OSBPL3: variants seen among roughly 807,000 people sequenced by gnomAD.
The protein encoded by OSBPL3 is oxysterol-binding protein-related protein 3.
A neutral mutation model predicts 120.1 loss-of-function variants in OSBPL3; 65 were observed. The ratio of observed to expected loss-of-function variants is 0.54; its 90% CI spans 0.44 to 0.67. The LOEUF is 0.67. Among genes scored for constraint, OSBPL3 ranks in the 30% least tolerant of loss-of-function variants. OSBPL3 has a pLI of 0.00. For synonymous variants in OSBPL3, 416 were observed against 402.6 expected (o/e 1.03, Z -0.40); for missense variants, 1,004 against 1,082.1 (o/e 0.93, Z 1.01).
At chr7:24,845,384 TAAAAAAA>T (rs34559902) in intron 12 of OSBPL3, among the ~76,000 whole-genome samples, 38 of 62,260 alleles carry the variant, frequency 6.1e-4, no homozygotes, top group African/African-American at 2.1e-3. Flanking sequence ...GCAAAATAAG[TAAAAAAA>T]AAAAAAAAAA....
intron 1 of OSBPL3, among the ~76,000 whole-genome samples, chr7:24,941,959 C>T (rs1813154330): frequency 6.6e-6 from 1 of 152,176 alleles, no homozygotes. Context: ...CCAGTATCCA[C>T]ACTTCAGTGT....
intron 15 of OSBPL3, among the ~76,000 whole-genome samples, chr7:24,832,933 G>C (rs1219159715): frequency 1.3e-5 from 2 of 152,130 alleles, no homozygotes; most frequent in East Asian, 3.8e-4. Flanking sequence ...TCTGCTCAAG[G>C]TCAATTACAC....
Position 24,955,114 on chromosome 7 carries a change from T to G in OSBPL3, c.-150+24772A>C, listed in dbSNP as rs926521428. Among the ~76,000 whole-genome samples, 3 of 152,232 alleles carry G rather than the reference T, an allele frequency of 2.0e-5. No homozygotes were observed. Among genetic ancestry groups the G allele is most frequent in the Non-Finnish European group, 4.4e-5 (3 of 68,046 alleles). On this transcript the variant is annotated intron_variant, in intron 1 of 22. Transcript: ENST00000313367. The surrounding 1 kb of genome is among the most constrained non-coding windows in gnomAD (Gnocchi z 4.3). Reference sequence around the variant, plus strand: ...AGTTTCATGAAAGCAGGGATTTTCTTTTGTTCACTACTATACATATTACCA... The same window carrying G: ...AGTTTCATGAAAGCAGGGATTTTCTGTTGTTCACTACTATACATATTACCA...
chr7:24,820,148 TG>T lies in OSBPL3; in HGVS notation c.1948+26del. ...ATAGATAACATATTACACAATATGATGGAAGTAAAATGTATTAGCACATTAC... is the reference window on the plus strand; with the variant it reads ...ATAGATAACATATTACACAATATGATGAAGTAAAATGTATTAGCACATTAC... On this transcript the variant is annotated intron_variant, in intron 17 of 22. Coordinates refer to ENST00000313367, the MANE Select transcript of OSBPL3 (RefSeq NM_015550.4). This position sits in a 1 kb window ranked among gnomAD's most constrained non-coding sequence, Gnocchi z 4.6. 6.9e-7 allele frequency: 1 copy of T among 1,450,394 alleles called. No individual in the cohort carries two copies. Among genetic ancestry groups the T allele is most frequent in the Non-Finnish European group, 9.7e-7 (1 of 1,033,702 alleles). The allele number at this position is 1,450,394 out of a possible 1,614,324, so 89.8% of individuals were successfully genotyped here. A position where few individuals can be genotyped will look rare whatever the true frequency, so the allele number is the denominator to read the frequency against.
chr7:24,864,489 C>A (rs1053139137), intron 7 of OSBPL3, among the ~76,000 whole-genome samples: 2 of 152,178 alleles, frequency 1.3e-5, no homozygotes, highest in African/African-American at 4.8e-5. Flanking sequence ...CAAGCTGTCA[C>A]TTGGTAAAGT....
rs959239799 is a variant in OSBPL3, at chr7:24,833,177, T to C, written c.1746+1309A>G. ...GAGTTTAAAAAATACAGCTTGTTTT[T>C]GTCTCCTACCCTGATTATCAGTAAC... On this transcript the variant is annotated intron_variant, in intron 15 of 22. Coordinates refer to ENST00000313367, the MANE Select transcript of OSBPL3 (RefSeq NM_015550.4). This position sits in a 1 kb window ranked among gnomAD's most constrained non-coding sequence, Gnocchi z 4.4. Among the ~76,000 whole-genome samples the C allele has an allele frequency of 1.3e-5, 2 of 152,224 alleles. No homozygotes were observed. Among genetic ancestry groups the C allele is most frequent in the Admixed American group, 1.3e-4 (2 of 15,282 alleles).
chr7:24,842,409 T>C lies in OSBPL3; in HGVS notation c.1271A>G (p.Asn424Ser). 6.3e-7 allele frequency: 1 copy of C among 1,591,662 alleles called. No homozygotes were observed. Among genetic ancestry groups the C allele is most frequent in the Non-Finnish European group, 8.5e-7 (1 of 1,173,784 alleles). The stretch of plus-strand genomic sequence containing the variant: ...TAGAGCTCGGTTTTCATCTCTGGAG[T>C]TTTCCTATTTGAAGAACAAAACCAA... ...AKSGDNLAEE[N>S]SRDENRALVH... Residue 424 changes from asparagine (N) to serine (S), a missense_variant, in exon 13 of 23, where the codon AAC becomes AGC. Around this residue, in one of 4 missense-constraint regions of OSBPL3, gnomAD observed 272 missense variants for 248.8 expected, o/e 1.09. Transcript: ENST00000313367.
chr7:24,842,151 C>G (rs1482277512), intron 13 of OSBPL3, 128 bp downstream of exon 13: 1 of 943,864 alleles, frequency 1.1e-6, no homozygotes, highest in African/African-American at 1.7e-5. Flanking sequence ...GGAGAACTCT[C>G]AGAACATAAT....
At position 24,916,491 on chromosome 7, in the gene OSBPL3, CA is replaced by C. The variant is rs1039635809; in HGVS notation, c.-149-23871del. The stretch of plus-strand genomic sequence containing the variant: ...CATCAGTGAAGTAAAAATAAAACAG[CA>C]ATTACCTTTCTGGCTTGCATGGTTC... On this transcript the variant is annotated intron_variant, in intron 1 of 22. Coordinates refer to ENST00000313367, the MANE Select transcript of OSBPL3 (RefSeq NM_015550.4). The surrounding 1 kb of genome is among the most constrained non-coding windows in gnomAD (Gnocchi z 4.9). Among the ~76,000 whole-genome samples the C allele has an allele frequency of 1.3e-5, 2 of 151,980 alleles. No homozygotes were observed. The highest frequency in any genetic ancestry group is 4.8e-5 in the African/African-American group (2 of 41,352).
rs1584768702 is a variant in OSBPL3 at position 24,972,364 on chromosome 7, C to T, written c.-150+7522G>A. Among the ~76,000 whole-genome samples, 1 of 152,320 alleles carries T rather than the reference C, an allele frequency of 6.6e-6. No individual in the cohort carries two copies. Among genetic ancestry groups the T allele is most frequent in the East Asian group, 1.9e-4 (1 of 5,188 alleles). On this transcript the variant is annotated intron_variant, in intron 1 of 22. Coordinates refer to ENST00000313367, the MANE Select transcript of OSBPL3 (RefSeq NM_015550.4). The surrounding 1 kb of genome is among the most constrained non-coding windows in gnomAD (Gnocchi z 4.3). ...CCCCAGCCACATTCTCTTTTCTCTT[C>T]CTTCAGCAACCTGAATCACAACCTA...
intron 12 of OSBPL3, among the ~76,000 whole-genome samples, chr7:24,842,877 GGTGTCC>G (rs1797955740): frequency 6.6e-6 from 1 of 152,176 alleles, no homozygotes; most frequent in Non-Finnish European, 1.5e-5. Context: ...CTGCTTTTGA[GGTGTCC>G]CTTGACAAAT....
Position 24,913,383 on chromosome 7 carries a change from C to T in OSBPL3, c.-149-20762G>A, listed in dbSNP as rs73076224. Reference sequence around the variant, plus strand: ...GGTAAGTCAGCAGCAACACTCTCTTCTCCTGTCCCTCAGGCTAGCAGGCTC... The same window carrying T: ...GGTAAGTCAGCAGCAACACTCTCTTTTCCTGTCCCTCAGGCTAGCAGGCTC... On this transcript the variant is annotated intron_variant, in intron 1 of 22. Transcript: ENST00000313367. The surrounding 1 kb of genome is among the most constrained non-coding windows in gnomAD (Gnocchi z 5.3). Among the ~76,000 whole-genome samples the T allele has an allele frequency of 2.0e-5, 3 of 152,058 alleles. No homozygotes were observed. Among genetic ancestry groups the T allele is most frequent in the Admixed American group, 6.5e-5 (1 of 15,274 alleles).
chr7:24,860,633 T>A (rs544178378), intron 10 of OSBPL3, among the ~76,000 whole-genome samples: 1 of 152,318 alleles, frequency 6.6e-6, no homozygotes, highest in East Asian at 1.9e-4. Context: ...CAGTTTCGGG[T>A]ATGTCTTTAT....
Position 24,947,476 on chromosome 7 carries a change from A to G in OSBPL3, c.-150+32410T>C, listed in dbSNP as rs569535365. On this transcript the variant is annotated intron_variant, in intron 1 of 22. Coordinates refer to ENST00000313367, the MANE Select transcript of OSBPL3 (RefSeq NM_015550.4). The surrounding 1 kb of genome is among the most constrained non-coding windows in gnomAD (Gnocchi z 4.4). The stretch of plus-strand genomic sequence containing the variant: ...TGCTGCTTTTGCTCCCCACGTGACT[A>G]CCCCTGAAAGCTGCATATTTTTATT... 9.9e-5 allele frequency among the ~76,000 whole-genome samples: 15 copies of G among 152,174 alleles called. No homozygotes were observed. Among genetic ancestry groups the G allele is most frequent in the Admixed American group, 9.2e-4 (14 of 15,280 alleles).
rs1793343692 is a variant in OSBPL3 at position 24,808,447 on chromosome 7, C to A, written c.2317+1360G>T. On this transcript the variant is annotated intron_variant, in intron 20 of 22. Transcript: ENST00000313367. This position sits in a 1 kb window ranked among gnomAD's most constrained non-coding sequence, Gnocchi z 4.6. ...ACAGTGTTGCTTTATCAAGGTGGTA[C>A]TTTAACACTGAGACAGGATCGCAGT... is the stretch of plus-strand genomic sequence containing the variant. Among the ~76,000 whole-genome samples the A allele has an allele frequency of 6.6e-6, 1 of 152,170 alleles. No individual in the cohort carries two copies. Among genetic ancestry groups the A allele is most frequent in the African/African-American group, 2.4e-5 (1 of 41,426 alleles).
At chr7:24,935,878 G>C (rs1812347114) in intron 1 of OSBPL3, among the ~76,000 whole-genome samples, 1 of 151,922 alleles carries the variant, frequency 6.6e-6, no homozygotes. Context: ...CTCGAAGAAG[G>C]AATCTTTTTT....
At chr7:24,847,413 T>C (rs1242314823) in intron 12 of OSBPL3, among the ~76,000 whole-genome samples, 2 of 152,192 alleles carry the variant, frequency 1.3e-5, no homozygotes, top group Non-Finnish European at 1.5e-5. Flanking sequence ...GATTCAAGAC[T>C]CAAGAAGGCT....
chr7:24,863,206 T>C lies in OSBPL3; in HGVS notation c.864A>G (p.Thr288=). The C allele has an allele frequency of 6.2e-7, 1 of 1,612,594 alleles. No homozygotes were observed. The highest frequency in any genetic ancestry group is 1.1e-5 in the South Asian group (1 of 91,044). The change falls in exon 9 of 23, where the codon ACA becomes ACG. Residue 288 remains threonine, a synonymous_variant. Coordinates refer to ENST00000313367, the MANE Select transcript of OSBPL3 (RefSeq NM_015550.4). This position sits in a 1 kb window ranked among gnomAD's most constrained non-coding sequence, Gnocchi z 5.8. ...CAGGGGAAGCAATGGTTACCTGCAGTGTTCCTTTAGCATCTTTGCCAATAG... is the reference window on the plus strand; with the variant it reads ...CAGGGGAAGCAATGGTTACCTGCAGCGTTCCTTTAGCATCTTTGCCAATAG... ...SRAIGKDAKG[T]LQVPKPFSGP...
chr7:24,884,622 T>C (rs1375638927), intron 2 of OSBPL3, among the ~76,000 whole-genome samples: 1 of 152,198 alleles, frequency 6.6e-6, no homozygotes, highest in Non-Finnish European at 1.5e-5. Context: ...GGGACTCCTC[T>C]GCTCACAAAA....
Sources: gnomAD v4.1 joint callset for allele counts (sites outside exome capture counted in the v4.1 genomes callset) on GRCh38, gnomAD v4.1.1 for gene constraint, gnomAD v4.1.1 regional missense constraint, Gnocchi (gnomAD v3.1) non-coding constraint, MANE v1.5 for transcripts, NCBI Gene and HGNC (gene_info 2026-07-23, HGNC 2026-07-21) for gene names.